Variants in IPCEF1 observed in about 807,000 individuals in gnomAD.
IPCEF1 encodes the protein interactor protein for cytohesin exchange factors 1.
In IPCEF1, 31 loss-of-function variants were observed where a neutral mutation model predicts 50.9. The ratio of observed to expected loss-of-function variants is 0.61; its 90% CI spans 0.46 to 0.82. IPCEF1 has a LOEUF of 0.82. IPCEF1 is among the 40% of genes least tolerant of loss of function. IPCEF1 has a pLI of 0.00. For missense variants in IPCEF1, 458 were observed against 514.0 expected (o/e 0.89, Z 1.05); for synonymous variants, 181 against 192.0 (o/e 0.94, Z 0.47).
At chr6:154,267,927 A>T (rs1418941234) in intron 2 of IPCEF1, among the ~76,000 whole-genome samples, 1 of 152,190 alleles carries the variant, frequency 6.6e-6, no homozygotes, top group Non-Finnish European at 1.5e-5. Context: ...TGGGGCTTTT[A>T]TGGCCTCAGA....
At chr6:154,191,561 C>G (rs1413622804) in intron 10 of IPCEF1, among the ~76,000 whole-genome samples, 1 of 151,942 alleles carries the variant, frequency 6.6e-6, no homozygotes, top group African/African-American at 2.4e-5. Context: ...ATAGTCCTAG[C>G]TACTTGGGAG....
In IPCEF1 at chr6:154,317,033, AT is replaced by A. The variant is rs560364420; in HGVS notation, c.-61-27278del. The stretch of plus-strand genomic sequence containing the variant: ...AGCTTCCAGAAGAAAATATAAAGTA[AT>A]ATTTTTGTGATCTTGGGGTAGGCAA... On this transcript the variant is annotated intron_variant, in intron 1 of 11. Coordinates refer to ENST00000367220, the MANE Select transcript of IPCEF1 (RefSeq NM_001130700.2). Among the ~76,000 whole-genome samples the A allele has an allele frequency of 2.6e-3, 395 of 152,326 alleles. 1 individual carries two copies. Among genetic ancestry groups the A allele is most frequent in the Non-Finnish European group, 4.5e-3 (309 of 68,028 alleles).
intron 1 of IPCEF1, among the ~76,000 whole-genome samples, chr6:154,300,659 AAAAGAAGC>A (rs1164142474): frequency 3.9e-5 from 6 of 152,146 alleles, no homozygotes; most frequent in African/African-American, 1.4e-4. Context: ...CAACAACAAA[AAAAGAAGC>A]AAAGTAGATT....
chr6:154,187,322 G>A (rs928882891), intron 10 of IPCEF1, among the ~76,000 whole-genome samples: 10 of 152,108 alleles, frequency 6.6e-5, no homozygotes, highest in East Asian at 3.9e-4. Context: ...AACAACCACC[G>A]AATCTATCAT....
intron 1 of IPCEF1, among the ~76,000 whole-genome samples, chr6:154,330,556 T>C (rs1783634603): frequency 1.3e-5 from 2 of 152,038 alleles, no homozygotes; most frequent in Admixed American, 1.3e-4. Context: ...AGTCCTGGGC[T>C]CAAGCGATCC....
intron 10 of IPCEF1, among the ~76,000 whole-genome samples, chr6:154,169,459 T>G (rs779622477): frequency 3.3e-5 from 5 of 152,172 alleles, no homozygotes; most frequent in Non-Finnish European, 7.4e-5. Context: ...TTTAAACCCA[T>G]GCAAGTCGAC....
chr6:154,239,202 A>G (rs1180876613), intron 5 of IPCEF1, among the ~76,000 whole-genome samples: 1 of 152,220 alleles, frequency 6.6e-6, no homozygotes, highest in African/African-American at 2.4e-5. Context: ...GGAAAATAAT[A>G]TTGGCAACAT....
chr6:154,195,625 T>A (rs536375730), intron 10 of IPCEF1, among the ~76,000 whole-genome samples: 1 of 152,092 alleles, frequency 6.6e-6, no homozygotes, highest in Non-Finnish European at 1.5e-5. Context: ...TTAGATGAGA[T>A]CTTGTCTTGG....
At chr6:154,343,047 T>A (rs1045837455) in intron 1 of IPCEF1, among the ~76,000 whole-genome samples, 2 of 152,124 alleles carry the variant, frequency 1.3e-5, no homozygotes, top group African/African-American at 4.8e-5. Flanking sequence ...GCCCAGGAGC[T>A]GAAGGCTGCA....
rs186359034 is a variant in IPCEF1 at position 154,217,794 on chromosome 6, C to T, written c.392+3463G>A. Among the ~76,000 whole-genome samples the T allele has an allele frequency of 3.7e-3, 560 of 152,206 alleles. 2 individuals carry two copies. Among genetic ancestry groups the T allele is most frequent in the Non-Finnish European group, 5.7e-3 (390 of 67,992 alleles). On this transcript the variant is annotated intron_variant, in intron 7 of 11. Coordinates refer to ENST00000367220, the MANE Select transcript of IPCEF1 (RefSeq NM_001130700.2). ...AGTTTATTCTCCCTCAAAAAAGCAT[C>T]TAAAAGTGAAATAGGGAAAATATTT...
At chr6:154,223,560 C>CAG (rs10638184) in intron 5 of IPCEF1, among the ~76,000 whole-genome samples, 92,903 of 151,842 alleles carry the variant, frequency 0.61, 29,010 homozygotes, top group South Asian at 0.76. Context: ...GCTAACCCAA[C>CAG]AGTCATGTCT....
intron 3 of IPCEF1, among the ~76,000 whole-genome samples, chr6:154,252,674 C>T (rs71567973): frequency 4.8e-4 from 73 of 150,992 alleles, no homozygotes; most frequent in Non-Finnish European, 8.1e-4. Context: ...GACTCCATCT[C>T]GAAAAACAAA....
intron 9 of IPCEF1, among the ~76,000 whole-genome samples, chr6:154,202,356 C>T (rs140536605): frequency 4.6e-5 from 7 of 152,250 alleles, no homozygotes; most frequent in African/African-American, 1.4e-4. Context: ...TTCAATAAAA[C>T]CCTAGTTATC....
At chr6:154,300,193 C>T (rs201103200) in intron 1 of IPCEF1, among the ~76,000 whole-genome samples, 1 of 141,738 alleles carries the variant, frequency 7.1e-6, no homozygotes, top group Non-Finnish European at 1.6e-5. Flanking sequence ...AAAGCAGATG[C>T]AATTTTAGGT....
At chr6:154,241,887 C>T (rs1279135805) in intron 5 of IPCEF1, among the ~76,000 whole-genome samples, 1 of 152,230 alleles carries the variant, frequency 6.6e-6, no homozygotes, top group Admixed American at 6.5e-5. Context: ...CCCCCATTCA[C>T]TGGCCCTAAG....
chr6:154,340,584 C>T (rs975547855), intron 1 of IPCEF1, among the ~76,000 whole-genome samples: 3 of 149,442 alleles, frequency 2.0e-5, no homozygotes, highest in African/African-American at 7.3e-5. Flanking sequence ...CATGAGACAT[C>T]AATTAAAATA....
At chr6:154,261,333 T>G (rs1781595474) in intron 3 of IPCEF1, among the ~76,000 whole-genome samples, 1 of 152,116 alleles carries the variant, frequency 6.6e-6, no homozygotes, top group Non-Finnish European at 1.5e-5. Context: ...GGCCTTAAAG[T>G]ATGAAGTTTA....
At chr6:154,325,999 G>A (rs999890183) in intron 1 of IPCEF1, among the ~76,000 whole-genome samples, 2 of 152,106 alleles carry the variant, frequency 1.3e-5, no homozygotes, top group African/African-American at 2.4e-5. Context: ...GCCGAGGCAG[G>A]TGGATCCCTT....
At chr6:154,345,058 C>T (rs1387394018) in intron 1 of IPCEF1, among the ~76,000 whole-genome samples, 3 of 152,184 alleles carry the variant, frequency 2.0e-5, no homozygotes, top group African/African-American at 7.2e-5. Context: ...TTTGTAGAGA[C>T]AGGGTTTCAA....
Sources: gnomAD v4.1 joint callset for allele counts (sites outside exome capture counted in the v4.1 genomes callset) on GRCh38, gnomAD v4.1.1 for gene constraint, MANE v1.5 for transcripts, NCBI Gene and HGNC (gene_info 2026-07-23, HGNC 2026-07-21) for gene names.